Variants in THSD7A observed in about 807,000 individuals in gnomAD.
THSD7A encodes the protein thrombospondin type 1 domain containing 7A.
In THSD7A, 96 loss-of-function variants were observed where a neutral mutation model predicts 231.3. That is an observed-to-expected ratio of 0.41 (90% CI 0.35 to 0.49). The LOEUF is 0.49. Among genes scored for constraint, THSD7A ranks in the 20% least tolerant of loss-of-function variants. The probability of loss-of-function intolerance (pLI) is 0.05; values close to 1 mark genes in which losing one functional copy is unlikely to be tolerated. For synonymous variants in THSD7A, 940 were observed against 743.3 expected, an observed-to-expected ratio of 1.26 and a Z score of -4.30; for missense variants, 2,290 against 2,070.2, an observed-to-expected ratio of 1.11 and a Z score of -2.06.
rs201272059 is a variant in THSD7A, at chr7:11,401,997, C to A, written c.4238-29G>T. On this transcript the variant is annotated intron_variant, in intron 22 of 27. Transcript: ENST00000423059. ...TAAAACACATATTTGTAATTTACAC[C>A]CATATCCACAGAGAAAAGCCAGCCC... 2.8e-5 allele frequency: 44 copies of A among 1,589,248 alleles called. No homozygotes were observed. In the East Asian group the frequency reaches 9.3e-4, roughly 34 times the overall value.
chr7:11,707,531 A>T (rs1780808851), intron 1 of THSD7A, among the ~76,000 whole-genome samples: 1 of 151,022 alleles, frequency 6.6e-6, no homozygotes, highest in Admixed American at 6.6e-5. Context: ...TGTTAGCTAA[A>T]ATCAATACAT....
chr7:11,373,999 G>T lies in THSD7A; in HGVS notation c.*1795C>A, dbSNP rs1277092934. ...ATATTGTTCCACTGTGCCATTCCCA[G>T]GGCTACATCTGTAGAAAATACAGCT... On this transcript the variant is annotated 3_prime_UTR_variant, in exon 28 of 28. Transcript: ENST00000423059. 1 of 151,958 alleles carries T rather than the reference G, an allele frequency of 6.6e-6. No individual in the cohort carries two copies. Among genetic ancestry groups the T allele is most frequent in the Non-Finnish European group, 1.5e-5 (1 of 67,974 alleles). The allele number at this position is 151,958 out of a possible 1,614,324, so 9.4% of individuals were successfully genotyped here. A position where few individuals can be genotyped will look rare whatever the true frequency, so the allele number is the denominator to read the frequency against.
chr7:11,702,099 A>G (rs1422677069), intron 1 of THSD7A, among the ~76,000 whole-genome samples: 1 of 151,216 alleles, frequency 6.6e-6, no homozygotes, highest in African/African-American at 2.4e-5. Context: ...GAGCATGTGC[A>G]CTCAGAAAGC....
At chr7:11,724,940 T>C (rs925422328) in intron 1 of THSD7A, among the ~76,000 whole-genome samples, 6 of 151,826 alleles carry the variant, frequency 4.0e-5, no homozygotes, top group Admixed American at 2.0e-4. Flanking sequence ...CTTCTTCTTC[T>C]TCTTCTTCTT....
intron 2 of THSD7A, among the ~76,000 whole-genome samples, chr7:11,617,145 A>G (rs980354682): frequency 6.6e-6 from 1 of 152,188 alleles, no homozygotes; most frequent in Non-Finnish European, 1.5e-5. Flanking sequence ...TGGTTGGTCC[A>G]TAGTACTTTG....
At chr7:11,770,492 C>T (rs1783186963) in intron 1 of THSD7A, among the ~76,000 whole-genome samples, 1 of 152,112 alleles carries the variant, frequency 6.6e-6, no homozygotes, top group Non-Finnish European at 1.5e-5. Context: ...AGTGAAGCCA[C>T]ATTTACCAGT....
At chr7:11,555,500 G>T (rs1377402014) in intron 4 of THSD7A, among the ~76,000 whole-genome samples, 1 of 151,734 alleles carries the variant, frequency 6.6e-6, no homozygotes, top group African/African-American at 2.4e-5. Context: ...GTCTATTTTG[G>T]TATATGTTTC....
At chr7:11,404,249 C>A (rs1252028673) in intron 22 of THSD7A, among the ~76,000 whole-genome samples, 2 of 152,130 alleles carry the variant, frequency 1.3e-5, no homozygotes, top group Non-Finnish European at 2.9e-5. Flanking sequence ...GGCCTCAAGT[C>A]CAGGGCTTGA....
Position 11,382,501 on chromosome 7 carries a change from AAG to A in THSD7A, c.4507+18_4507+19del. On this transcript the variant is annotated intron_variant, in intron 24 of 27. Transcript: ENST00000423059. ...GTTACAGGAAGATTTTCAAAGGACA[AAG>A]AGAAACTGGAGGTTTACCTGTTACA... is the stretch of plus-strand genomic sequence containing the variant. 2 of 1,588,456 alleles carry A rather than the reference AAG, an allele frequency of 1.3e-6. No homozygotes were observed. The highest frequency in any genetic ancestry group is 4.5e-5 in the East Asian group (2 of 44,660).
rs1422492872 is a variant in THSD7A, at chr7:11,769,151, A to ATTTTTTTTTTTTTTT, written c.190+62605_190+62606insAAAAAAAAAAAAAAA. ...TATATATATATATATATATATATAT[A>ATTTTTTTTTTTTTTT]TATTTTTTTTTTTTTTTGGTATTTT... On this transcript the variant is annotated intron_variant, in intron 1 of 27. Coordinates refer to ENST00000423059, the MANE Select transcript of THSD7A (RefSeq NM_015204.3). 2.8e-3 allele frequency among the ~76,000 whole-genome samples: 100 copies of ATTTTTTTTTTTTTTT among 35,410 alleles called. 2 individuals carry two copies. The highest frequency in any genetic ancestry group is 4.6e-3 in the Non-Finnish European group (77 of 16,590). The allele number at this position is 35,410 out of a possible 152,430, so 23.2% of individuals were successfully genotyped here.
At chr7:11,475,198 A>G (rs1177162544) in intron 7 of THSD7A, among the ~76,000 whole-genome samples, 1 of 152,184 alleles carries the variant, frequency 6.6e-6, no homozygotes, top group Non-Finnish European at 1.5e-5. Flanking sequence ...GAGTACTATT[A>G]TCATAATACT....
At chr7:11,713,497 C>T (rs1781031682) in intron 1 of THSD7A, among the ~76,000 whole-genome samples, 1 of 151,212 alleles carries the variant, frequency 6.6e-6, no homozygotes, top group South Asian at 2.1e-4. Flanking sequence ...CTTGCCCTTT[C>T]AGCAGATTAC....
intron 6 of THSD7A, among the ~76,000 whole-genome samples, chr7:11,507,636 T>A (rs1156528861): frequency 9.9e-5 from 15 of 151,924 alleles, no homozygotes; most frequent in Non-Finnish European, 2.9e-5. Context: ...GCTGGAGTTG[T>A]TACATACAAA....
intron 19 of THSD7A, among the ~76,000 whole-genome samples, chr7:11,408,052 T>C (rs1783647002): frequency 6.6e-6 from 1 of 152,188 alleles, no homozygotes; most frequent in South Asian, 2.1e-4. Flanking sequence ...TTCAGTTATG[T>C]TGGTGTCAAA....
intron 6 of THSD7A, among the ~76,000 whole-genome samples, chr7:11,526,948 T>C (rs1232978969): frequency 1.3e-5 from 2 of 152,132 alleles, no homozygotes; most frequent in Admixed American, 6.6e-5. Context: ...ACTCACCTTA[T>C]ACAGCAAGCA....
chr7:11,820,996 AT>A, intron 1 of THSD7A: 3 of 1,037,718 alleles, frequency 2.9e-6, no homozygotes, highest in Non-Finnish European at 4.4e-6. Flanking sequence ...TCATCTCTGT[AT>A]TTTCCCTCAG....
At chr7:11,555,299 C>T (rs62434469) in intron 4 of THSD7A, among the ~76,000 whole-genome samples, 2,697 of 151,986 alleles carry the variant, frequency 0.018, 38 homozygotes, top group Middle Eastern at 0.031. Flanking sequence ...TTCTTTTCAT[C>T]CAGTATTTTG....
chr7:11,599,582 A>T (rs1025207940), intron 2 of THSD7A, among the ~76,000 whole-genome samples: 1 of 152,188 alleles, frequency 6.6e-6, no homozygotes, highest in Non-Finnish European at 1.5e-5. Flanking sequence ...TTTATGTAAT[A>T]GTATTTGGTT....
chr7:11,475,669 T>G (rs956417713), intron 7 of THSD7A, among the ~76,000 whole-genome samples: 5 of 149,402 alleles, frequency 3.3e-5, no homozygotes, highest in African/African-American at 1.2e-4. Context: ...ATTCTTCAAA[T>G]TTTTCTAGGG....
Sources: allele counts gnomAD v4.1 joint callset (sites outside exome capture counted in the v4.1 genomes callset), GRCh38; gene constraint gnomAD v4.1.1; transcripts MANE v1.5; gene names NCBI Gene and HGNC (gene_info 2026-07-23, HGNC 2026-07-21).